The following KIF3C variants were observed in gnomAD, a reference collection of about 807,000 sequenced individuals.
KIF3C encodes the protein kinesin-like protein KIF3C.
A neutral mutation model predicts 67.7 loss-of-function variants in KIF3C; 12 were observed. The observed-to-expected ratio is 0.18, with a 90% CI of 0.11 to 0.29. KIF3C has a LOEUF of 0.29. Among genes scored for constraint, KIF3C ranks in the 10% least tolerant of loss-of-function variants. KIF3C has a pLI of 1.00. For missense variants in KIF3C, 789 were observed against 1,059.6 expected (o/e 0.74, Z 3.55); for synonymous variants, 393 against 426.2 (o/e 0.92, Z 0.96).
In KIF3C at chr2:25,980,245, G is replaced by A; in HGVS notation, c.1545+128C>T. On this transcript the variant is annotated intron_variant, in intron 1 of 7. Transcript: ENST00000264712. This position sits in a 1 kb window ranked among gnomAD's most constrained non-coding sequence, Gnocchi z 7.6. ...GCTGCTCTGGGGGCACATTTGGCAGGAGGGCAGTGTGCGGTGCTGAGGGAG... is the reference window on the plus strand; with the variant it reads ...GCTGCTCTGGGGGCACATTTGGCAGAAGGGCAGTGTGCGGTGCTGAGGGAG... The A allele has an allele frequency of 1.3e-6, 1 of 754,730 alleles. No homozygotes were observed. Among genetic ancestry groups the A allele is most frequent in the Non-Finnish European group, 2.1e-6 (1 of 474,796 alleles). The allele number at this position is 754,730 out of a possible 1,614,324, so 46.8% of individuals were successfully genotyped here.
intron 5 of KIF3C, among the ~76,000 whole-genome samples, chr2:25,937,283 C>T (rs1663153694): frequency 6.6e-6 from 1 of 152,220 alleles, no homozygotes; most frequent in Non-Finnish European, 1.5e-5. Context: ...AGAACAATGG[C>T]TGCCTTCTGC....
In KIF3C at chr2:25,980,907, G is replaced by A; in HGVS notation, c.1011C>T (p.Ile337=). Reference sequence around the variant, plus strand: ...AAGCTGGCCCCAGTGTGGCTACCATGATGGTCTTGGCATTCCCCCCCAGGG... The same window carrying A: ...AAGCTGGCCCCAGTGTGGCTACCATAATGGTCTTGGCATTCCCCCCCAGGG... ...QDSLGGNAKT[I]MVATLGPASH... Residue 337 remains isoleucine (I), a synonymous_variant, in exon 1 of 8, where the codon ATC becomes ATT. Transcript: ENST00000264712. This position sits in a 1 kb window ranked among gnomAD's most constrained non-coding sequence, Gnocchi z 7.6. 2 of 1,614,230 alleles carry A rather than the reference G, an allele frequency of 1.2e-6. No individual in the cohort carries two copies. The highest frequency in any genetic ancestry group is 1.7e-5 in the Admixed American group (1 of 60,024).
rs1228425993 is a variant in KIF3C at position 25,980,879 on chromosome 2, G to C, written c.1039C>G (p.His347Asp). 6.2e-7 allele frequency: 1 copy of C among 1,614,208 alleles called. No homozygotes were observed. Among genetic ancestry groups the C allele is most frequent in the Middle Eastern group, 1.6e-4 (1 of 6,062 alleles). ...GTGGAGAGGCTCTCATCGTAGCTGT[G>C]AGAAGCTGGCCCCAGTGTGGCTACC... ...IMVATLGPASHSYDESLSTLR... is the reference protein window; with the variant it reads ...IMVATLGPASDSYDESLSTLR... The change falls in exon 1 of 8, where the codon CAC becomes GAC. Residue 347 changes from histidine (H) to aspartate (D), a missense_variant. By Grantham distance (81) the His-to-Asp change is moderately conservative. Around this residue, in one of 2 missense-constraint regions of KIF3C, gnomAD observed 648 missense variants for 807.8 expected, o/e 0.80. Transcript: ENST00000264712. The surrounding 1 kb of genome is among the most constrained non-coding windows in gnomAD (Gnocchi z 7.6).
At chr2:25,949,355 C>T (rs530883681) in intron 5 of KIF3C, among the ~76,000 whole-genome samples, 1 of 152,170 alleles carries the variant, frequency 6.6e-6, no homozygotes, top group South Asian at 2.1e-4. Flanking sequence ...AGGCAGATCG[C>T]TTCAGCCCAG....
intron 3 of KIF3C, among the ~76,000 whole-genome samples, chr2:25,954,608 T>C (rs80353079): frequency 0.084 from 12,807 of 152,260 alleles, 638 homozygotes; most frequent in African/African-American, 0.12. Flanking sequence ...GTGACCATTG[T>C]CTGCTCTTTC....
chr2:25,963,013 TATATATA>T (rs70950144), intron 1 of KIF3C, among the ~76,000 whole-genome samples: 9,689 of 43,616 alleles, frequency 0.22, 2,136 homozygotes, highest in East Asian at 0.85. Flanking sequence ...TAATATATAA[TATATATA>T]ATATATAATA....
chr2:25,953,981 T>TA (rs903974292), intron 4 of KIF3C: 1 of 325,486 alleles, frequency 3.1e-6, no homozygotes, highest in African/African-American at 2.1e-5. Context: ...AAATAATTTT[T>TA]AAAAAATTTA....
chr2:25,943,694 C>T (rs1382684418), intron 5 of KIF3C, among the ~76,000 whole-genome samples: 1 of 151,924 alleles, frequency 6.6e-6, no homozygotes, highest in Non-Finnish European at 1.5e-5. Flanking sequence ...GGAGAAACCC[C>T]GTCTCTACTA....
intron 5 of KIF3C, among the ~76,000 whole-genome samples, chr2:25,949,237 G>A (rs779357835): frequency 2.0e-5 from 3 of 152,084 alleles, no homozygotes; most frequent in South Asian, 4.1e-4. Flanking sequence ...AAGGGTATAC[G>A]AGAATTCTTT....
chr2:25,940,122 A>G (rs1663244669), intron 5 of KIF3C, among the ~76,000 whole-genome samples: 1 of 152,176 alleles, frequency 6.6e-6, no homozygotes, highest in Non-Finnish European at 1.5e-5. Context: ...TTGGTTTATC[A>G]GTGTGAGTGC....
intron 5 of KIF3C, among the ~76,000 whole-genome samples, chr2:25,944,259 ATTCT>A (rs1233207361): frequency 6.6e-6 from 1 of 151,584 alleles, no homozygotes; most frequent in East Asian, 1.9e-4. Context: ...ATTTCTTGGA[ATTCT>A]TTATTATATT....
In KIF3C at chr2:25,945,291, G is replaced by A. The variant is rs184398602; in HGVS notation, c.2006+6498C>T. ...GGACTAATTCTTTGCAAAGAATCTT[G>A]GAAAAGAAAACACTATAAAAGCTGC... On this transcript the variant is annotated intron_variant, in intron 5 of 7. Transcript: ENST00000264712. 1.7e-3 allele frequency among the ~76,000 whole-genome samples: 265 copies of A among 152,202 alleles called. 2 individuals carry two copies. Among genetic ancestry groups the A allele is most frequent in the African/African-American group, 6.1e-3 (255 of 41,530 alleles).
intron 1 of KIF3C, among the ~76,000 whole-genome samples, chr2:25,957,644 G>C (rs1237135233): frequency 6.6e-6 from 1 of 152,114 alleles, no homozygotes; most frequent in Non-Finnish European, 1.5e-5. Flanking sequence ...CTCAAAGCAG[G>C]GGGTGCTGTC....
rs1663069168 is a variant in KIF3C at position 25,935,325 on chromosome 2, T to G, written c.2007-5262A>C. Reference sequence around the variant, plus strand: ...CCTAGGAACTTCACTAAGCAAATAATCAGAGGTAAAGAGAAAAATTTACAT... The same window carrying G: ...CCTAGGAACTTCACTAAGCAAATAAGCAGAGGTAAAGAGAAAAATTTACAT... On this transcript the variant is annotated intron_variant, in intron 5 of 7. Coordinates refer to ENST00000264712, the MANE Select transcript of KIF3C (RefSeq NM_002254.8). Among the ~76,000 whole-genome samples the G allele has an allele frequency of 2.0e-5, 3 of 151,966 alleles. No homozygotes were observed. In the South Asian group the frequency reaches 6.2e-4, roughly 31 times the overall value.
intron 2 of KIF3C, 131 bp downstream of exon 2, chr2:25,956,212 G>A: frequency 4.2e-6 from 3 of 707,564 alleles, no homozygotes; most frequent in Non-Finnish European, 4.9e-6. Context: ...GGGACCCAGG[G>A]TGGCATGTCT....
intron 1 of KIF3C, among the ~76,000 whole-genome samples, chr2:25,978,365 C>T (rs902387157): frequency 1.3e-5 from 2 of 152,174 alleles, no homozygotes; most frequent in South Asian, 4.1e-4. Context: ...AAATGAATTA[C>T]TCTGATTATC....
In KIF3C at chr2:25,942,733, T is replaced by C. The variant is rs188691956; in HGVS notation, c.2006+9056A>G. Among the ~76,000 whole-genome samples the C allele has an allele frequency of 6.4e-4, 98 of 152,354 alleles. 1 individual carries two copies. The highest frequency in any genetic ancestry group is 3.4e-3 in the Middle Eastern group (1 of 294). On this transcript the variant is annotated intron_variant, in intron 5 of 7. Transcript: ENST00000264712. The stretch of plus-strand genomic sequence containing the variant: ...GCAAAAATGTTTTTTAAAGTAACTT[T>C]AATATTATACAAGATTATGACTGTG...
At chr2:25,960,809 G>C (rs934367273) in intron 1 of KIF3C, among the ~76,000 whole-genome samples, 1 of 152,134 alleles carries the variant, frequency 6.6e-6, no homozygotes, top group South Asian at 2.1e-4. Context: ...GGTGGTGTGG[G>C]CCTGTGGTCC....
At chr2:25,931,435 G>A (rs2090458132) in intron 5 of KIF3C, among the ~76,000 whole-genome samples, 1 of 151,950 alleles carries the variant, frequency 6.6e-6, no homozygotes, top group Non-Finnish European at 1.5e-5. Flanking sequence ...TCCAGCCTGG[G>A]CAACAAGAGC....
Sources: allele counts gnomAD v4.1 joint callset (sites outside exome capture counted in the v4.1 genomes callset), GRCh38; gene constraint gnomAD v4.1.1; regional missense constraint gnomAD v4.1.1; non-coding constraint Gnocchi (gnomAD v3.1); transcripts MANE v1.5; gene names NCBI Gene and HGNC (gene_info 2026-07-23, HGNC 2026-07-21).